The following RBFOX1 variants were observed in gnomAD, a reference collection of about 807,000 sequenced individuals.
RBFOX1 encodes the protein RNA binding fox-1 homolog 1.
RBFOX1 carries 8 observed loss-of-function variants against 57.7 expected under a neutral mutation model. That is an observed-to-expected ratio of 0.14 (90% CI 0.08 to 0.25). RBFOX1 has a LOEUF of 0.25. Ranked by LOEUF, RBFOX1 falls within the 10% of genes least tolerant of loss-of-function variation. The probability of loss-of-function intolerance (pLI) is 1.00; values close to 1 mark genes in which losing one functional copy is unlikely to be tolerated. For missense variants in RBFOX1, 611 were observed against 548.5 expected, an observed-to-expected ratio of 1.11 and a Z score of -1.14; for synonymous variants, 326 against 222.4, an observed-to-expected ratio of 1.47 and a Z score of -4.15.
chr16:7,595,479 A>T lies in RBFOX1; in HGVS notation c.469-70A>T, dbSNP rs1032757294. Reference sequence around the variant, plus strand: ...AAGAAATAGAAATTAAAGCGAGAGAACATTACCAAGTGGTCGTTGACTGAA... The same window carrying T: ...AAGAAATAGAAATTAAAGCGAGAGATCATTACCAAGTGGTCGTTGACTGAA... On this transcript the variant is annotated intron_variant, in intron 7 of 15. Coordinates refer to ENST00000550418, the MANE Select transcript of RBFOX1 (RefSeq NM_018723.4). 4 of 1,216,492 alleles carry T rather than the reference A, an allele frequency of 3.3e-6. No homozygotes were observed. The African/African-American group carries it at 6.1e-5, about 19-fold the overall frequency. 75.4% of individuals were successfully genotyped at this position (1,216,492 alleles called of 1,614,324 possible).
intron 1 of RBFOX1, among the ~76,000 whole-genome samples, chr16:6,201,205 C>T (rs1250173711): frequency 5.3e-5 from 8 of 152,032 alleles, no homozygotes; most frequent in Non-Finnish European, 2.9e-5. Flanking sequence ...TTCATTCCTC[C>T]GTTAGTGGAC....
chr16:7,295,663 T>C (rs897065096), intron 4 of RBFOX1, among the ~76,000 whole-genome samples: 1 of 152,068 alleles, frequency 6.6e-6, no homozygotes, highest in Non-Finnish European at 1.5e-5. Flanking sequence ...TACTGCTCAC[T>C]ACAGGTGTAC....
intron 2 of RBFOX1, among the ~76,000 whole-genome samples, chr16:5,596,423 A>G (rs1260981180): frequency 6.6e-6 from 1 of 152,210 alleles, no homozygotes; most frequent in South Asian, 2.1e-4. Context: ...AGGAAGTCCA[A>G]CACAATGCAG....
At position 7,013,289 on chromosome 16, in the gene RBFOX1, T is replaced by C. The variant is rs532271358; in HGVS notation, c.-15-38768T>C. 3.9e-5 allele frequency among the ~76,000 whole-genome samples: 6 copies of C among 152,264 alleles called. No individual in the cohort carries two copies. The South Asian group carries it at 1.2e-3, about 32-fold the overall frequency. On this transcript the variant is annotated intron_variant, in intron 3 of 15. Coordinates refer to ENST00000550418, the MANE Select transcript of RBFOX1 (RefSeq NM_018723.4). Reference sequence around the variant, plus strand: ...GGACTGCTGAGGTAATTCAATGAAGTAAGGTATGCTAGGAGCTTAACTCAG... The same window carrying C: ...GGACTGCTGAGGTAATTCAATGAAGCAAGGTATGCTAGGAGCTTAACTCAG...
At chr16:6,294,039 A>T (rs1048687904) in intron 1 of RBFOX1, among the ~76,000 whole-genome samples, 1 of 152,124 alleles carries the variant, frequency 6.6e-6, no homozygotes, top group Admixed American at 6.5e-5. Flanking sequence ...AATTTCAACT[A>T]GGTGTGGTGG....
At chr16:5,258,560 A>G (rs746670561) in intron 1 of RBFOX1, among the ~76,000 whole-genome samples, 3 of 152,170 alleles carry the variant, frequency 2.0e-5, no homozygotes, top group African/African-American at 7.2e-5. Flanking sequence ...AGATCTCAAG[A>G]TTTAATGACA....
At chr16:6,913,437 A>G (rs776067353) in intron 3 of RBFOX1, among the ~76,000 whole-genome samples, 10 of 152,020 alleles carry the variant, frequency 6.6e-5, no homozygotes, top group Non-Finnish European at 1.5e-4. Flanking sequence ...CTTTCCTCTC[A>G]TATCCCCCAC....
intron 3 of RBFOX1, among the ~76,000 whole-genome samples, chr16:5,612,439 T>C (rs1342821731): frequency 1.6e-4 from 24 of 150,586 alleles, no homozygotes; most frequent in African/African-American, 5.8e-4. Context: ...ACCCCCCCTC[T>C]GTGGGTCTAC....
chr16:6,349,311 A>G (rs1338421444), intron 2 of RBFOX1, among the ~76,000 whole-genome samples: 4 of 152,138 alleles, frequency 2.6e-5, no homozygotes, highest in Non-Finnish European at 4.4e-5. Flanking sequence ...GGAGGCTGAC[A>G]TTTTACCTCT....
At chr16:6,562,864 CTTTCTTTCTTTCTTTCT>C (rs2097199209) in intron 2 of RBFOX1, among the ~76,000 whole-genome samples, 3 of 50,246 alleles carry the variant, frequency 6.0e-5, no homozygotes, top group African/African-American at 1.5e-4. Context: ...TTCTTTCTTT[CTTTCTTTCTTTCTTTCT>C]TTTTTTTTTT....
At chr16:6,034,972 A>G (rs1290386041) in intron 1 of RBFOX1, among the ~76,000 whole-genome samples, 1 of 78,378 alleles carries the variant, frequency 1.3e-5, no homozygotes, top group Non-Finnish European at 2.7e-5. Flanking sequence ...AGCAGAGAGC[A>G]TACTATTGAG....
chr16:7,427,479 C>G (rs1047529958), intron 4 of RBFOX1, among the ~76,000 whole-genome samples: 1 of 152,048 alleles, frequency 6.6e-6, no homozygotes, highest in Admixed American at 6.6e-5. Context: ...TGCTTAACAA[C>G]TGTGTGTAGC....
At chr16:6,986,546 C>T (rs1167685586) in intron 3 of RBFOX1, among the ~76,000 whole-genome samples, 3 of 152,178 alleles carry the variant, frequency 2.0e-5, no homozygotes, top group African/African-American at 7.2e-5. Flanking sequence ...CCTGCCTTGG[C>T]TTCCCAAAGT....
At chr16:6,330,091 A>G (rs1599700351) in intron 2 of RBFOX1, among the ~76,000 whole-genome samples, 1 of 152,220 alleles carries the variant, frequency 6.6e-6, no homozygotes, top group African/African-American at 2.4e-5. Context: ...ACATGAGCAC[A>G]CTGTACAATA....
intron 1 of RBFOX1, among the ~76,000 whole-genome samples, chr16:5,374,858 TTC>T (rs1409914088): frequency 6.6e-6 from 1 of 152,108 alleles, no homozygotes; most frequent in African/African-American, 2.4e-5. Flanking sequence ...GAAATTTGTT[TTC>T]TCTCTTATCA....
intron 3 of RBFOX1, among the ~76,000 whole-genome samples, chr16:6,949,512 C>T (rs903199039): frequency 9.9e-5 from 15 of 152,170 alleles, no homozygotes; most frequent in Admixed American, 8.5e-4. Context: ...TTGGCAGGGT[C>T]TGTTTCTTCT....
intron 2 of RBFOX1, among the ~76,000 whole-genome samples, chr16:6,390,358 G>A (rs990574433): frequency 3.3e-5 from 5 of 152,110 alleles, no homozygotes; most frequent in Admixed American, 2.6e-4. Context: ...TGATAATACT[G>A]AACTGAAGGG....
At chr16:5,420,880 T>C (rs1263943382) in intron 1 of RBFOX1, among the ~76,000 whole-genome samples, 915 of 98,310 alleles carry the variant, frequency 9.3e-3, no homozygotes, top group African/African-American at 9.7e-3. Flanking sequence ...TCTCCCTCCC[T>C]CCCCCTCCTC....
chr16:7,043,960 T>A (rs1395060377), intron 3 of RBFOX1, among the ~76,000 whole-genome samples: 1 of 152,306 alleles, frequency 6.6e-6, no homozygotes, highest in African/African-American at 2.4e-5. Flanking sequence ...AATACCTTTT[T>A]CAATTCTCCA....
Sources: gnomAD v4.1 joint callset for allele counts (sites outside exome capture counted in the v4.1 genomes callset) on GRCh38, gnomAD v4.1.1 for gene constraint, MANE v1.5 for transcripts, NCBI Gene and HGNC (gene_info 2026-07-23, HGNC 2026-07-21) for gene names.